The following IFTAP variants were observed in gnomAD, a reference collection of about 807,000 sequenced individuals.
IFTAP encodes intraflagellar transport associated protein.
In IFTAP, 19 loss-of-function variants were observed where a neutral mutation model predicts 19.4. The ratio of observed to expected loss-of-function variants is 0.98; its 90% confidence interval spans 0.68 to 1.44. The LOEUF is 1.44. IFTAP is among the 40% of genes most tolerant of loss of function. The pLI, the probability that IFTAP is intolerant of heterozygous loss-of-function variation, is 0.00. For missense variants in IFTAP, 240 were observed against 253.6 expected (o/e 0.95, Z 0.36); for synonymous variants, 85 against 83.5 (o/e 1.02, Z -0.10).
intron 5 of IFTAP, among the ~76,000 whole-genome samples, chr11:36,649,566 A>AATCT: frequency 6.6e-6 from 1 of 152,302 alleles, no homozygotes; most frequent in East Asian, 1.9e-4. Context: ...GAATATATAT[A>AATCT]ATCTAGTACA....
At chr11:36,630,537 T>A (rs755061713) in intron 2 of IFTAP, among the ~76,000 whole-genome samples, 5 of 151,430 alleles carry the variant, frequency 3.3e-5, no homozygotes, top group Non-Finnish European at 7.3e-5. Flanking sequence ...AAGCTGAGAC[T>A]TCATTATATT....
chr11:36,596,211 G>GTTTTT (rs1243664769), intron 1 of IFTAP, among the ~76,000 whole-genome samples: 145 of 101,056 alleles, frequency 1.4e-3, no homozygotes, highest in African/African-American at 2.9e-3. Flanking sequence ...AGATGGTAGT[G>GTTTTT]TTTTTTTTTT....
chr11:36,628,592 A>G (rs548639309), intron 2 of IFTAP, among the ~76,000 whole-genome samples: 6 of 151,430 alleles, frequency 4.0e-5, no homozygotes, highest in African/African-American at 1.5e-4. Flanking sequence ...CACCTTGCAT[A>G]TAGTTGATGA....
intron 4 of IFTAP, among the ~76,000 whole-genome samples, chr11:36,641,171 C>T (rs943313914): frequency 3.5e-4 from 53 of 152,006 alleles, no homozygotes; most frequent in African/African-American, 1.3e-3. Flanking sequence ...AATAGGGAAT[C>T]CAACTTTCTT....
At chr11:36,628,009 CTT>C (rs559143986) in intron 2 of IFTAP, among the ~76,000 whole-genome samples, 34 of 144,256 alleles carry the variant, frequency 2.4e-4, no homozygotes, top group Admixed American at 4.1e-4. Context: ...CTTGCGAACT[CTT>C]TTTTTTTTTT....
intron 3 of IFTAP, among the ~76,000 whole-genome samples, chr11:36,634,334 A>G (rs1460144213): frequency 6.6e-6 from 1 of 152,064 alleles, no homozygotes; most frequent in Non-Finnish European, 1.5e-5. Flanking sequence ...ATGGGATAGG[A>G]GTGGAGAGTA....
chr11:36,636,185 A>T (rs1395185765), intron 4 of IFTAP, 68 bp downstream of exon 4: 1 of 1,247,452 alleles, frequency 8.0e-7, no homozygotes, highest in East Asian at 2.3e-5. Flanking sequence ...GGCTTTAGAC[A>T]GCTTTCCTGT....
Position 36,637,750 on chromosome 11 carries a change from T to C in IFTAP, c.358+1633T>C, listed in dbSNP as rs139786076. Among the ~76,000 whole-genome samples, 279 of 152,254 alleles carry C rather than the reference T, an allele frequency of 1.8e-3. 1 individual carries two copies. Among genetic ancestry groups the C allele is most frequent in the African/African-American group, 6.5e-3 (268 of 41,540 alleles). ...ATACATATGCAATATAAAATAAATTTCATAAGAGGGCACAAAAGTACATGT... is the reference window on the plus strand; with the variant it reads ...ATACATATGCAATATAAAATAAATTCCATAAGAGGGCACAAAAGTACATGT... On this transcript the variant is annotated intron_variant, in intron 4 of 5. Coordinates refer to ENST00000334307, the MANE Select transcript of IFTAP (RefSeq NM_138787.4).
intron 4 of IFTAP, among the ~76,000 whole-genome samples, chr11:36,640,761 TG>T (rs1314034042): frequency 6.6e-6 from 1 of 152,172 alleles, no homozygotes; most frequent in Non-Finnish European, 1.5e-5. Context: ...GCAAAATTGG[TG>T]ATATTAACTA....
Position 36,610,235 on chromosome 11 carries a change from A to G in IFTAP, c.132A>G (p.Ser44=), listed in dbSNP as rs138838269. The change falls in exon 2 of 6, where the codon TCA becomes TCG. Residue 44 remains serine, a synonymous_variant. Coordinates refer to ENST00000334307, the MANE Select transcript of IFTAP (RefSeq NM_138787.4). The part of the protein sequence containing the change: ...EEFLNTFTHL[S]QEDHVSKRGV... ...TTCTGAACACTTTTACTCATCTTTC[A>G]CAAGGTAAAATGGAGAAGTAAACTT... The G allele has an allele frequency of 1.8e-3, 2,853 of 1,605,414 alleles. 13 individuals are homozygous for G. The highest frequency in any genetic ancestry group is 0.018 in the East Asian group (788 of 44,722).
chr11:36,632,490 T>A (rs901602589), intron 2 of IFTAP, among the ~76,000 whole-genome samples: 30 of 151,182 alleles, frequency 2.0e-4, no homozygotes, highest in African/African-American at 7.2e-4. Flanking sequence ...TATTTCATTT[T>A]ATTTCCCCCA....
chr11:36,647,521 A>T (rs2133512419), intron 4 of IFTAP, among the ~76,000 whole-genome samples: 1 of 152,268 alleles, frequency 6.6e-6, no homozygotes, highest in East Asian at 1.9e-4. Flanking sequence ...ATATGACAGA[A>T]TATTTCACTT....
intron 4 of IFTAP, among the ~76,000 whole-genome samples, chr11:36,644,201 C>A (rs1465044150): frequency 6.6e-6 from 1 of 152,148 alleles, no homozygotes; most frequent in Non-Finnish European, 1.5e-5. Flanking sequence ...TATGAACAGA[C>A]ACTTCTCAAA....
At chr11:36,647,260 G>A (rs920411826) in intron 4 of IFTAP, among the ~76,000 whole-genome samples, 1 of 152,086 alleles carries the variant, frequency 6.6e-6, no homozygotes, top group African/African-American at 2.4e-5. Flanking sequence ...TATGAAAACA[G>A]GCTGAGGAGG....
intron 2 of IFTAP, among the ~76,000 whole-genome samples, chr11:36,611,634 C>A (rs1590203872): frequency 6.6e-6 from 1 of 151,936 alleles, no homozygotes; most frequent in African/African-American, 2.4e-5. Context: ...TTTTATCAGG[C>A]AAGATATAAT....
At chr11:36,607,820 T>C (rs934283972) in intron 1 of IFTAP, among the ~76,000 whole-genome samples, 26 of 152,270 alleles carry the variant, frequency 1.7e-4, no homozygotes, top group African/African-American at 6.0e-4. Flanking sequence ...ATTATAGGCA[T>C]GTGCCACCAT....
At chr11:36,599,597 A>C (rs1305489496) in intron 1 of IFTAP, among the ~76,000 whole-genome samples, 1 of 152,232 alleles carries the variant, frequency 6.6e-6, no homozygotes, top group Non-Finnish European at 1.5e-5. Flanking sequence ...TATTTGCATA[A>C]GTGACTAATT....
chr11:36,640,623 G>A (rs969994191), intron 4 of IFTAP, among the ~76,000 whole-genome samples: 8 of 152,120 alleles, frequency 5.3e-5, no homozygotes, highest in Non-Finnish European at 7.4e-5. Context: ...TCTCTTCAAG[G>A]CTAATAACTA....
intron 4 of IFTAP, among the ~76,000 whole-genome samples, chr11:36,642,144 A>C (rs1311624684): frequency 6.6e-6 from 1 of 152,198 alleles, no homozygotes; most frequent in Non-Finnish European, 1.5e-5. Flanking sequence ...AGAAGAATCA[A>C]ATAGACGCAA....
Sources: allele counts gnomAD v4.1 joint callset (sites outside exome capture counted in the v4.1 genomes callset), GRCh38; gene constraint gnomAD v4.1.1; transcripts MANE v1.5; gene names NCBI Gene and HGNC (gene_info 2026-07-23, HGNC 2026-07-21).